Variants in NCOA1 observed in about 807,000 individuals in gnomAD.
NCOA1 encodes the protein nuclear receptor coactivator 1, also known as Hin-2 protein.
A neutral mutation model predicts 150.9 loss-of-function variants in NCOA1; 35 were observed. The ratio of observed to expected loss-of-function variants is 0.23; its 90% confidence interval spans 0.18 to 0.31. The LOEUF (loss-of-function observed/expected upper bound fraction) is 0.31, where lower values mean the gene tolerates loss of function less well. NCOA1 is among the 10% of genes least tolerant of loss of function. The probability of loss-of-function intolerance (pLI) is 1.00; values close to 1 mark genes in which losing one functional copy is unlikely to be tolerated. For missense variants in NCOA1, 1,491 were observed against 1,749.3 expected (o/e 0.85, Z 2.63); for synonymous variants, 590 against 630.0 (o/e 0.94, Z 0.95).
Position 24,599,965 on chromosome 2 carries a change from A to G in NCOA1, c.-175+15405A>G, listed in dbSNP as rs577897361. Among the ~76,000 whole-genome samples, 101 of 152,208 alleles carry G rather than the reference A, an allele frequency of 6.6e-4. No homozygotes were observed. In the East Asian group the frequency reaches 0.011, roughly 17 times the overall value. The stretch of plus-strand genomic sequence containing the variant: ...AGGTTGGTCTCGAACTCCTGACCTC[A>G]GGTGATCCACCCGCCTCCGCCTCCC... On this transcript the variant is annotated intron_variant, in intron 3 of 22. Transcript: ENST00000348332.
At chr2:24,764,253 C>G (rs749032873) in intron 22 of NCOA1, among the ~76,000 whole-genome samples, 1 of 152,174 alleles carries the variant, frequency 6.6e-6, no homozygotes, top group South Asian at 2.1e-4. Flanking sequence ...GTCTTTCTAC[C>G]GCCAGAGTCC....
At chr2:24,589,567 A>G (rs1444414405) in intron 3 of NCOA1, among the ~76,000 whole-genome samples, 1 of 151,890 alleles carries the variant, frequency 6.6e-6, no homozygotes, top group Non-Finnish European at 1.5e-5. Context: ...TTCTGTGCAT[A>G]TATTTTGGAG....
At chr2:24,741,652 T>C in intron 18 of NCOA1, 132 bp from the exon 19 acceptor site, 1 of 964,676 alleles carries the variant, frequency 1.0e-6, no homozygotes, top group South Asian at 2.2e-5. Flanking sequence ...TTTTCTGTTT[T>C]AGTTTCCCTT....
intron 3 of NCOA1, among the ~76,000 whole-genome samples, chr2:24,589,140 C>T (rs1667539988): frequency 6.6e-6 from 1 of 152,206 alleles, no homozygotes; most frequent in African/African-American, 2.4e-5. Flanking sequence ...GTGGTGGAAG[C>T]ACACCAAGAC....
intron 1 of NCOA1, among the ~76,000 whole-genome samples, chr2:24,554,869 G>C (rs953940736): frequency 6.6e-6 from 1 of 152,148 alleles, no homozygotes; most frequent in African/African-American, 2.4e-5. Context: ...CAAAATGAAA[G>C]GACAGGATTG....
rs1673308252 is a variant in NCOA1, at chr2:24,704,399, A to G, written c.950-687A>G. On this transcript the variant is annotated intron_variant, in intron 11 of 22. Coordinates refer to ENST00000348332, the MANE Select transcript of NCOA1 (RefSeq NM_003743.5). The stretch of plus-strand genomic sequence containing the variant: ...AGAAAACAAACTTGTTAAAGATAAT[A>G]CTGAGAGTGAGAGGGGAGAAAAATA... 3.9e-5 allele frequency among the ~76,000 whole-genome samples: 6 copies of G among 152,328 alleles called. No homozygotes were observed. In the South Asian group the frequency reaches 1.2e-3, roughly 32 times the overall value.
chr2:24,633,481 A>G (rs754567813), intron 3 of NCOA1, among the ~76,000 whole-genome samples: 7 of 152,162 alleles, frequency 4.6e-5, no homozygotes, highest in East Asian at 3.8e-4. Context: ...AATGAATAGT[A>G]TATTTCAAGA....
At chr2:24,715,442 T>TA (rs1282788735) in intron 14 of NCOA1, among the ~76,000 whole-genome samples, 6 of 152,164 alleles carry the variant, frequency 3.9e-5, no homozygotes, top group Non-Finnish European at 7.4e-5. Context: ...AGGCTAAAGT[T>TA]AAAAATGCAT....
intron 22 of NCOA1, among the ~76,000 whole-genome samples, chr2:24,765,532 C>T (rs1278631798): frequency 1.3e-5 from 2 of 151,936 alleles, no homozygotes; most frequent in Non-Finnish European, 2.9e-5. Context: ...AATGAAGAGT[C>T]TTCATTCACC....
intron 5 of NCOA1, among the ~76,000 whole-genome samples, chr2:24,663,706 C>T (rs751183789): frequency 6.6e-6 from 1 of 152,110 alleles, no homozygotes; most frequent in African/African-American, 2.4e-5. Flanking sequence ...CATATCTGCC[C>T]TCATTTTATC....
intron 3 of NCOA1, among the ~76,000 whole-genome samples, chr2:24,636,843 G>A (rs936654145): frequency 6.6e-6 from 1 of 151,826 alleles, no homozygotes; most frequent in African/African-American, 2.4e-5. Context: ...TTTCTCAGAT[G>A]CTTTTTCTGC....
Position 24,683,018 on chromosome 2 carries a change from C to T in NCOA1, c.422C>T (p.Thr141Ile), listed in dbSNP as rs1572586535. 3.7e-6 allele frequency: 6 copies of T among 1,608,204 alleles called. No individual in the cohort carries two copies. The East Asian group carries it at 1.4e-4, about 36-fold the overall frequency. ...ATTGTATTTGTGTCAGAGAATGTAA[C>T]CAGCTACTTAGGTTACAATCAGGAG... ...GRIVFVSENV[T>I]SYLGYNQEEL... Residue 141 changes from threonine to isoleucine, a missense_variant, in exon 8 of 23, where the codon ACC (threonine) becomes ATC (isoleucine). Around this residue, in one of 8 missense-constraint regions of NCOA1, gnomAD observed 80 missense variants for 163.0 expected, o/e 0.49. Coordinates refer to ENST00000348332, the MANE Select transcript of NCOA1 (RefSeq NM_003743.5).
chr2:24,677,122 T>C (rs999695008), intron 7 of NCOA1, among the ~76,000 whole-genome samples: 3 of 152,210 alleles, frequency 2.0e-5, no homozygotes, highest in African/African-American at 4.8e-5. Flanking sequence ...GGCAGGCGGA[T>C]CACTTGAGGT....
At chr2:24,676,625 C>A (rs1671922206) in intron 7 of NCOA1, among the ~76,000 whole-genome samples, 1 of 152,128 alleles carries the variant, frequency 6.6e-6, no homozygotes, top group Non-Finnish European at 1.5e-5. Context: ...TGTAACCAGG[C>A]TGAAATGACT....
intron 10 of NCOA1, among the ~76,000 whole-genome samples, chr2:24,695,058 A>T (rs544429090): frequency 1.3e-5 from 2 of 152,150 alleles, no homozygotes; most frequent in Non-Finnish European, 2.9e-5. Context: ...TTTAGGAACA[A>T]TATGTTTCAG....
At position 24,491,332 on chromosome 2, in the gene NCOA1, C is replaced by G. The variant is rs1416364761; in HGVS notation, c.-666C>G. 2.0e-5 allele frequency among the ~76,000 whole-genome samples: 3 copies of G among 147,796 alleles called. No individual in the cohort carries two copies. Among genetic ancestry groups the G allele is most frequent in the Admixed American group, 2.0e-4 (3 of 14,874 alleles). On this transcript the variant is annotated 5_prime_UTR_variant, in exon 1 of 23. Transcript: ENST00000348332. ...ATGCCTGTTCTTCAGGCCGGGCGAGCGGGAGTCTGACGCGATTTGCTGAGC... is the reference window on the plus strand; with the variant it reads ...ATGCCTGTTCTTCAGGCCGGGCGAGGGGGAGTCTGACGCGATTTGCTGAGC...
chr2:24,619,350 CACA>C (rs953143050), intron 3 of NCOA1, among the ~76,000 whole-genome samples: 2 of 152,130 alleles, frequency 1.3e-5, no homozygotes, highest in African/African-American at 4.8e-5. Flanking sequence ...GACCTTTTCC[CACA>C]AAGTATTAAT....
intron 1 of NCOA1, among the ~76,000 whole-genome samples, chr2:24,518,838 T>C (rs1169789974): frequency 1.3e-5 from 2 of 151,976 alleles, no homozygotes; most frequent in Admixed American, 6.6e-5. Context: ...CCTAAGCAAA[T>C]GGAGAGAGAT....
intron 3 of NCOA1, among the ~76,000 whole-genome samples, chr2:24,639,614 C>T (rs578205936): frequency 8.4e-4 from 127 of 151,718 alleles, no homozygotes; most frequent in African/African-American, 2.2e-3. Context: ...ATAGGCTGAG[C>T]GTGGTGGCTC....
Sources: allele counts gnomAD v4.1 joint callset (sites outside exome capture counted in the v4.1 genomes callset), GRCh38; gene constraint gnomAD v4.1.1; regional missense constraint gnomAD v4.1.1; transcripts MANE v1.5; gene names NCBI Gene and HGNC (gene_info 2026-07-23, HGNC 2026-07-21).